Variants in RBFOX1 observed in about 807,000 individuals in gnomAD.
The protein encoded by RBFOX1 is RNA binding fox-1 homolog 1.
Under a neutral mutation model 57.7 loss-of-function variants are expected in RBFOX1, and 8 were observed. The observed-to-expected ratio is 0.14, with a 90% CI of 0.08 to 0.25. The LOEUF is 0.25. Ranked by LOEUF, RBFOX1 falls within the 10% of genes least tolerant of loss-of-function variation. The pLI, the probability that RBFOX1 is intolerant of heterozygous loss-of-function variation, is 1.00. For synonymous variants in RBFOX1, 326 were observed against 222.4 expected (o/e 1.47, Z -4.15); for missense variants, 611 against 548.5 (o/e 1.11, Z -1.14).
chr16:7,237,726 G>T (rs1053563774), intron 4 of RBFOX1, among the ~76,000 whole-genome samples: 1 of 152,194 alleles, frequency 6.6e-6, no homozygotes, highest in Admixed American at 6.5e-5. Context: ...GATTCTGGCC[G>T]ACTGTGTGGT....
At position 7,677,224 on chromosome 16, in the gene RBFOX1, A is replaced by T. The variant is rs557648253; in HGVS notation, c.995+386A>T. Among the ~76,000 whole-genome samples, 4 of 151,666 alleles carry T rather than the reference A, an allele frequency of 2.6e-5. 1 individual carries two copies. In the South Asian group the frequency reaches 8.3e-4, roughly 32 times the overall value. On this transcript the variant is annotated intron_variant, in intron 14 of 15. Coordinates refer to ENST00000550418, the MANE Select transcript of RBFOX1 (RefSeq NM_018723.4). ...TTTCATCTAACTCATAGGAAGAAAAACAGACCATGATCCTACAAGGTTTAC... is the reference window on the plus strand; with the variant it reads ...TTTCATCTAACTCATAGGAAGAAAATCAGACCATGATCCTACAAGGTTTAC...
At chr16:7,391,325 C>A (rs1165492938) in intron 4 of RBFOX1, among the ~76,000 whole-genome samples, 1 of 152,146 alleles carries the variant, frequency 6.6e-6, no homozygotes, top group East Asian at 1.9e-4. Context: ...GAAGGGCCCT[C>A]ATGGAGGTAG....
chr16:5,473,831 AG>A (rs1415292795), intron 2 of RBFOX1, among the ~76,000 whole-genome samples: 1 of 140,848 alleles, frequency 7.1e-6, no homozygotes, highest in Non-Finnish European at 1.5e-5. Context: ...GATAGATGTA[AG>A]GGTGGGTGGA....
chr16:5,515,555 T>C (rs1004634283), intron 2 of RBFOX1, among the ~76,000 whole-genome samples: 9 of 152,362 alleles, frequency 5.9e-5, no homozygotes, highest in Non-Finnish European at 7.3e-5. Flanking sequence ...GCTGTTTTAA[T>C]TGAGATATTG....
chr16:5,643,325 C>T (rs1406884758), intron 3 of RBFOX1, among the ~76,000 whole-genome samples: 2 of 152,126 alleles, frequency 1.3e-5, no homozygotes, highest in Admixed American at 6.5e-5. Context: ...GTGGCTGCCC[C>T]CTGCTCACTC....
intron 1 of RBFOX1, among the ~76,000 whole-genome samples, chr16:6,125,134 C>T (rs2096580097): frequency 6.6e-6 from 1 of 152,186 alleles, no homozygotes; most frequent in Non-Finnish European, 1.5e-5. Flanking sequence ...TCTGGATGGT[C>T]TCATACTGTA....
intron 1 of RBFOX1, among the ~76,000 whole-genome samples, chr16:6,137,614 T>A: frequency 1.1e-5 from 1 of 88,926 alleles, no homozygotes; most frequent in Non-Finnish European, 3.3e-5. Context: ...TCATTTTTTT[T>A]TTTTTTTTTT....
chr16:5,843,551 T>C (rs1363845668), intron 3 of RBFOX1, among the ~76,000 whole-genome samples: 10 of 152,190 alleles, frequency 6.6e-5, no homozygotes, highest in African/African-American at 1.7e-4. Flanking sequence ...TACTCTGCCA[T>C]TAATGGGCAT....
chr16:6,257,789 G>A (rs925590661), intron 1 of RBFOX1, among the ~76,000 whole-genome samples: 4 of 152,128 alleles, frequency 2.6e-5, no homozygotes, highest in African/African-American at 9.7e-5. Flanking sequence ...ATTCCATAAT[G>A]GATATGCGCT....
At chr16:5,815,210 C>T (rs1230676811) in intron 3 of RBFOX1, among the ~76,000 whole-genome samples, 1 of 137,830 alleles carries the variant, frequency 7.3e-6, no homozygotes, top group Non-Finnish European at 1.5e-5. Flanking sequence ...CCAAGGCTGG[C>T]CTCAAACTCC....
intron 1 of RBFOX1, among the ~76,000 whole-genome samples, chr16:6,280,381 A>G (rs1228167264): frequency 1.3e-5 from 2 of 151,902 alleles, no homozygotes; most frequent in East Asian, 3.9e-4. Context: ...CTATCAGCTC[A>G]CCCACCCCTA....
rs115206574 is a variant in RBFOX1, at chr16:7,346,301, A to T, written c.28-171846A>T. 9.4e-3 allele frequency among the ~76,000 whole-genome samples: 1,430 copies of T among 151,890 alleles called. 25 individuals are homozygous for T. The highest frequency in any genetic ancestry group is 0.033 in the African/African-American group (1,366 of 41,466). ...ACACACACACCATGATGTGTCAGCA[A>T]CGAGACGTCTATAGAGTAAACCACG... On this transcript the variant is annotated intron_variant, in intron 4 of 15. Coordinates refer to ENST00000550418, the MANE Select transcript of RBFOX1 (RefSeq NM_018723.4).
intron 1 of RBFOX1, among the ~76,000 whole-genome samples, chr16:5,426,857 C>T (rs530091): frequency 0.87 from 132,831 of 152,114 alleles, 58,384 homozygotes; most frequent in East Asian, 1. Context: ...TTAAACAACG[C>T]AGTGATGCAG....
At chr16:6,166,673 C>T (rs2096919925) in intron 1 of RBFOX1, among the ~76,000 whole-genome samples, 1 of 152,188 alleles carries the variant, frequency 6.6e-6, no homozygotes, top group South Asian at 2.1e-4. Flanking sequence ...CAGCATCTCT[C>T]TGTCTGTATC....
chr16:5,348,291 A>G (rs1172049596), intron 1 of RBFOX1, among the ~76,000 whole-genome samples: 1 of 152,176 alleles, frequency 6.6e-6, no homozygotes, highest in Non-Finnish European at 1.5e-5. Context: ...CATCCAACAA[A>G]TGTTTATTGA....
At chr16:5,897,034 T>C (rs1238887703) in intron 4 of RBFOX1, among the ~76,000 whole-genome samples, 1 of 121,696 alleles carries the variant, frequency 8.2e-6, no homozygotes, top group Admixed American at 8.8e-5. Context: ...TTTTTTTTTT[T>C]TTTTTTTTTT....
At chr16:6,963,460 C>G (rs529169115) in intron 3 of RBFOX1, among the ~76,000 whole-genome samples, 1 of 152,088 alleles carries the variant, frequency 6.6e-6, no homozygotes, top group Non-Finnish European at 1.5e-5. Context: ...TTATCTCATG[C>G]TGTCTGAACC....
chr16:7,484,880 A>G (rs992969709), intron 4 of RBFOX1, among the ~76,000 whole-genome samples: 1 of 152,176 alleles, frequency 6.6e-6, no homozygotes, highest in Non-Finnish European at 1.5e-5. Context: ...GGGCTATCAG[A>G]TGAATAAGGA....
intron 1 of RBFOX1, among the ~76,000 whole-genome samples, chr16:5,440,243 G>C (rs912746943): frequency 8.5e-5 from 13 of 152,150 alleles, no homozygotes; most frequent in Admixed American, 3.3e-4. Context: ...AGGATCTTTG[G>C]TTCTTTAGAT....
Sources: allele counts gnomAD v4.1 joint callset (sites outside exome capture counted in the v4.1 genomes callset), GRCh38; gene constraint gnomAD v4.1.1; transcripts MANE v1.5; gene names NCBI Gene and HGNC (gene_info 2026-07-23, HGNC 2026-07-21).